MDFIC2: variants seen among roughly 807,000 people sequenced by gnomAD.
MDFIC2 encodes MyoD family inhibitor domain containing 2.
chr3:70,238,911 T>C (rs1701638723), intron 2 of MDFIC2, among the ~76,000 whole-genome samples: 1 of 152,232 alleles, frequency 6.6e-6, no homozygotes, highest in African/African-American at 2.4e-5. Context: ...TTCCCATCTC[T>C]TTTTAGAGGA....
At chr3:70,261,297 T>A (rs1160546792) in intron 2 of MDFIC2, among the ~76,000 whole-genome samples, 1 of 152,134 alleles carries the variant, frequency 6.6e-6, no homozygotes, top group Non-Finnish European at 1.5e-5. Flanking sequence ...AGTGTGGCTT[T>A]CTCCTTATTG....
At chr3:70,226,220 T>C (rs1701506030) in intron 2 of MDFIC2, among the ~76,000 whole-genome samples, 1 of 152,200 alleles carries the variant, frequency 6.6e-6, no homozygotes, top group Non-Finnish European at 1.5e-5. Context: ...GGCAATATAC[T>C]AGCTGCTGGT....
chr3:70,226,616 T>C (rs527460661), intron 2 of MDFIC2, among the ~76,000 whole-genome samples: 16 of 151,520 alleles, frequency 1.1e-4, no homozygotes, highest in Non-Finnish European at 1.9e-4. Context: ...CGGGTGCCTG[T>C]AATCCCAGCT....
intron 2 of MDFIC2, among the ~76,000 whole-genome samples, chr3:70,287,697 T>C (rs1702181120): frequency 6.6e-6 from 1 of 152,022 alleles, no homozygotes; most frequent in Admixed American, 6.6e-5. Flanking sequence ...CTGGACTCTT[T>C]TTGGTTGGTA....
intron 2 of MDFIC2, among the ~76,000 whole-genome samples, chr3:70,220,790 G>A (rs1402958140): frequency 6.6e-6 from 1 of 152,148 alleles, no homozygotes; most frequent in African/African-American, 2.4e-5. Context: ...CAGTCTCTCT[G>A]AAGCGTTCCT....
At chr3:70,250,446 C>CACACACAA (rs1284023911) in intron 2 of MDFIC2, among the ~76,000 whole-genome samples, 3 of 136,502 alleles carry the variant, frequency 2.2e-5, no homozygotes, top group African/African-American at 7.8e-5. Flanking sequence ...CACACACACA[C>CACACACAA]ACACAAACAC....
At chr3:70,274,563 A>C (rs2106675117) in intron 2 of MDFIC2, among the ~76,000 whole-genome samples, 1 of 152,288 alleles carries the variant, frequency 6.6e-6, no homozygotes, top group African/African-American at 2.4e-5. Context: ...CTCACTTATA[A>C]GTGGGAGCTG....
intron 2 of MDFIC2, among the ~76,000 whole-genome samples, chr3:70,250,411 TCACACACACACACA>T (rs61355248): frequency 0.27 from 33,370 of 124,780 alleles, 4,101 homozygotes; most frequent in Admixed American, 0.39. Context: ...TTAATGAATC[TCACACACACACACA>T]CACACACACA....
chr3:70,230,189 C>T (rs1385723272), intron 2 of MDFIC2, among the ~76,000 whole-genome samples: 3 of 152,144 alleles, frequency 2.0e-5, no homozygotes, highest in Non-Finnish European at 2.9e-5. Context: ...TTTAACAGCA[C>T]ATTGTCTCTT....
At chr3:70,200,845 C>T (rs984852559) in intron 3 of MDFIC2, among the ~76,000 whole-genome samples, 11 of 152,018 alleles carry the variant, frequency 7.2e-5, no homozygotes, top group African/African-American at 2.7e-4. Flanking sequence ...ACTGTAAGAT[C>T]GTAGAGCAGA....
intron 2 of MDFIC2, among the ~76,000 whole-genome samples, chr3:70,244,812 A>G (rs1191992648): frequency 1.3e-5 from 2 of 152,238 alleles, no homozygotes; most frequent in Non-Finnish European, 2.9e-5. Flanking sequence ...CTATGTATAT[A>G]TCCATGCCTC....
At chr3:70,202,498 A>ACAAGTT (rs1701249569) in intron 3 of MDFIC2, among the ~76,000 whole-genome samples, 1 of 152,162 alleles carries the variant, frequency 6.6e-6, no homozygotes, top group African/African-American at 2.4e-5. Context: ...AACCTTTGTC[A>ACAAGTT]CAAGTTCTTT....
chr3:70,209,973 G>A (rs1380474831), intron 2 of MDFIC2, among the ~76,000 whole-genome samples: 1 of 152,108 alleles, frequency 6.6e-6, no homozygotes, highest in Non-Finnish European at 1.5e-5. Context: ...AGACCTTGAT[G>A]AGTATGGAGA....
chr3:70,197,244 G>A (rs763976286), intron 3 of MDFIC2, 59 bp from the exon 4 acceptor site: 2 of 398,046 alleles, frequency 5.0e-6, no homozygotes, highest in Non-Finnish European at 8.9e-6. Context: ...ATGAAGGACA[G>A]GCATGTGTGC....
At chr3:70,275,732 A>G (rs1236842072) in intron 2 of MDFIC2, among the ~76,000 whole-genome samples, 1 of 152,202 alleles carries the variant, frequency 6.6e-6, no homozygotes, top group Non-Finnish European at 1.5e-5. Flanking sequence ...TAAATTGTGA[A>G]GTACAATTAA....
At chr3:70,278,871 T>C (rs1363393067) in intron 2 of MDFIC2, among the ~76,000 whole-genome samples, 1 of 151,808 alleles carries the variant, frequency 6.6e-6, no homozygotes, top group Non-Finnish European at 1.5e-5. Context: ...TAAAAACAAA[T>C]GAAATAACAA....
At chr3:70,244,906 T>A (rs1047609149) in intron 2 of MDFIC2, among the ~76,000 whole-genome samples, 2 of 152,196 alleles carry the variant, frequency 1.3e-5, no homozygotes, top group African/African-American at 2.4e-5. Context: ...AATTCATTCA[T>A]AAATAGTCTT....
chr3:70,307,589 C>A (rs1702414162), intron 2 of MDFIC2, among the ~76,000 whole-genome samples: 1 of 152,086 alleles, frequency 6.6e-6, no homozygotes, highest in African/African-American at 2.4e-5. Context: ...TTTGATATGG[C>A]TTTCATTCAG....
chr3:70,231,987 T>C (rs1476469301), intron 2 of MDFIC2, among the ~76,000 whole-genome samples: 4 of 152,170 alleles, frequency 2.6e-5, no homozygotes, highest in Non-Finnish European at 5.9e-5. Context: ...AAAGCGTTAT[T>C]GTCTGCTCCT....
Sources: allele counts gnomAD v4.1 joint callset (sites outside exome capture counted in the v4.1 genomes callset), GRCh38; gene constraint gnomAD v4.1.1; transcripts MANE v1.5; gene names NCBI Gene and HGNC (gene_info 2026-07-23, HGNC 2026-07-21).